Variants in C4orf51 observed in about 807,000 individuals in gnomAD.
C4orf51 encodes the protein chromosome 4 open reading frame 51, also known as uncharacterized protein C4orf51.
In C4orf51, 25 loss-of-function variants were observed where a neutral mutation model predicts 25.2. That is an observed-to-expected ratio of 0.99 (90% CI 0.72 to 1.39). C4orf51 has a LOEUF of 1.39. C4orf51 is among the 40% of genes most tolerant of loss of function. C4orf51 has a pLI of 0.00. For missense variants in C4orf51, 252 were observed against 239.6 expected, an observed-to-expected ratio of 1.05 and a Z score of -0.34; for synonymous variants, 100 against 84.5, an observed-to-expected ratio of 1.18 and a Z score of -1.01.
At chr4:145,708,834 T>C (rs1187495822) in intron 2 of C4orf51, among the ~76,000 whole-genome samples, 1 of 152,208 alleles carries the variant, frequency 6.6e-6, no homozygotes, top group Non-Finnish European at 1.5e-5. Flanking sequence ...ACTTGGAGCA[T>C]TTTAGCAACA....
At chr4:145,784,859 T>A in the C4orf51 span, among the ~76,000 whole-genome samples, 166 of 152,250 alleles carry the variant, frequency 1.1e-3, no homozygotes, top group Non-Finnish European at 2.2e-3. Flanking sequence ...ACCTCTTTTT[T>A]TGTACAGAGT....
At chr4:145,691,473 C>T (rs13139262) in intron 1 of C4orf51, among the ~76,000 whole-genome samples, 19,553 of 152,128 alleles carry the variant, frequency 0.13, 1,315 homozygotes, top group Admixed American at 0.2. Context: ...AATCATTTCA[C>T]CAAAAAGACA....
At chr4:145,713,763 T>A (rs982314505) in intron 2 of C4orf51, among the ~76,000 whole-genome samples, 4 of 152,118 alleles carry the variant, frequency 2.6e-5, no homozygotes, top group Non-Finnish European at 4.4e-5. Flanking sequence ...TTAAGGTATG[T>A]CCATTTTATT....
intron 2 of C4orf51, among the ~76,000 whole-genome samples, chr4:145,703,646 T>C (rs1004703977): frequency 6.6e-6 from 1 of 152,250 alleles, no homozygotes; most frequent in African/African-American, 2.4e-5. Flanking sequence ...TAGTAAACTT[T>C]GCTATTGATG....
downstream of C4orf51, chr4:145,758,390 T>C (rs1734121996): frequency 6.6e-6 from 1 of 152,180 alleles, no homozygotes; most frequent in South Asian, 2.1e-4. Context: ...GTAAAACCTA[T>C]AGTCTGAATT....
downstream of C4orf51, among the ~76,000 whole-genome samples, chr4:145,774,084 A>C (rs1736676189): frequency 6.6e-6 from 1 of 151,910 alleles, no homozygotes; most frequent in Non-Finnish European, 1.5e-5. Flanking sequence ...GGAATATCTC[A>C]CCTCTGTTAA....
chr4:145,766,436 G>GA (rs1462930012), intron 1 of C4orf51, among the ~76,000 whole-genome samples: 1 of 152,326 alleles, frequency 6.6e-6, no homozygotes, highest in Admixed American at 6.5e-5. Context: ...AGTGGCCCCT[G>GA]AGAGACAGGA....
chr4:145,763,533 C>T lies in C4orf51; in HGVS notation n.167-7455C>T, dbSNP rs1302553516. Among the ~76,000 whole-genome samples the T allele has an allele frequency of 6.6e-6, 1 of 152,194 alleles. No homozygotes were observed. The highest frequency in any genetic ancestry group is 2.4e-5 in the African/African-American group (1 of 41,444). On this transcript the variant is annotated intron_variant and non_coding_transcript_variant, in intron 1 of 1. Transcript: ENST00000510096. The surrounding 1 kb of genome is among the most constrained non-coding windows in gnomAD (Gnocchi z 4.6). ...CTGTACCAGCAAAAGCATCAGAATT[C>T]ACTGTGCATTCTCCCCAATGGCTTC... is the stretch of plus-strand genomic sequence containing the variant.
intron 2 of C4orf51, among the ~76,000 whole-genome samples, chr4:145,725,619 C>T (rs1036163798): frequency 1.3e-5 from 2 of 151,556 alleles, no homozygotes; most frequent in African/African-American, 4.9e-5. Context: ...GAACAAAATA[C>T]TAAAACAGCT....
At chr4:145,747,880 C>G (rs2126804850) in intron 1 of C4orf51, among the ~76,000 whole-genome samples, 1 of 151,562 alleles carries the variant, frequency 6.6e-6, no homozygotes, top group South Asian at 2.1e-4. Flanking sequence ...CAGTGTAATA[C>G]TGACCTCTTA....
chr4:145,716,691 A>G (rs1226201619), intron 2 of C4orf51, among the ~76,000 whole-genome samples: 1 of 152,234 alleles, frequency 6.6e-6, no homozygotes, highest in South Asian at 2.1e-4. Context: ...GGGGCTGCAC[A>G]TAGTGGAAAA....
At chr4:145,721,573 A>C (rs1731743044) in intron 2 of C4orf51, among the ~76,000 whole-genome samples, 1 of 152,196 alleles carries the variant, frequency 6.6e-6, no homozygotes, top group Non-Finnish European at 1.5e-5. Flanking sequence ...TTTAAATTAG[A>C]AAACAGACTA....
chr4:145,682,159 G>A (rs962232556), intron 1 of C4orf51, among the ~76,000 whole-genome samples: 1 of 152,176 alleles, frequency 6.6e-6, no homozygotes, highest in Non-Finnish European at 1.5e-5. Flanking sequence ...GGCGGCCTGT[G>A]ACATTGCAAA....
At chr4:145,681,421 C>T (rs1728831983) in intron 1 of C4orf51, among the ~76,000 whole-genome samples, 1 of 152,172 alleles carries the variant, frequency 6.6e-6, no homozygotes, top group African/African-American at 2.4e-5. Flanking sequence ...GGTGCCTTAT[C>T]TGGTTTAGTC....
At chr4:145,767,382 C>G (rs1735466699) in intron 1 of C4orf51, among the ~76,000 whole-genome samples, 1 of 152,108 alleles carries the variant, frequency 6.6e-6, no homozygotes, top group Non-Finnish European at 1.5e-5. Flanking sequence ...CATCAGTGAA[C>G]TGTGGGATGC....
chr4:145,683,208 G>A (rs1578908718), intron 1 of C4orf51, among the ~76,000 whole-genome samples: 1 of 151,934 alleles, frequency 6.6e-6, no homozygotes. Flanking sequence ...TATGTACAAG[G>A]TCTATATAAG....
intron 1 of C4orf51, among the ~76,000 whole-genome samples, chr4:145,741,882 G>A (rs1164863570): frequency 6.6e-6 from 1 of 152,014 alleles, no homozygotes; most frequent in East Asian, 1.9e-4. Flanking sequence ...GTTGTTGTTA[G>A]TAGAGACTGG....
At chr4:145,737,324 A>T (rs550677721), downstream of C4orf51, among the ~76,000 whole-genome samples, 1 of 152,346 alleles carries the variant, frequency 6.6e-6, no homozygotes, top group Non-Finnish European at 1.5e-5. Flanking sequence ...CTGACAATTT[A>T]TAGGAAAGCA....
chr4:145,709,891 A>C (rs1485817561), intron 2 of C4orf51, among the ~76,000 whole-genome samples: 3 of 152,200 alleles, frequency 2.0e-5, no homozygotes, highest in Non-Finnish European at 2.9e-5. Flanking sequence ...CAAGAGGAGC[A>C]GAGCCACTTG....
Sources: gnomAD v4.1 joint callset for allele counts (sites outside exome capture counted in the v4.1 genomes callset) on GRCh38, gnomAD v4.1.1 for gene constraint, Gnocchi (gnomAD v3.1) non-coding constraint, MANE v1.5 for transcripts, NCBI Gene and HGNC (gene_info 2026-07-23, HGNC 2026-07-21) for gene names.